Variants in GIPC2 observed in about 807,000 individuals in gnomAD.
GIPC2 encodes PDZ domain-containing protein GIPC2.
In GIPC2, 30 loss-of-function variants were observed where a neutral mutation model predicts 30.6. That is an observed-to-expected ratio of 0.98 (90% CI 0.73 to 1.33). The LOEUF (loss-of-function observed/expected upper bound fraction) is 1.33. Among genes scored for constraint, GIPC2 ranks in the 40% most tolerant of loss-of-function variants. GIPC2 has a pLI of 0.00. For missense variants in GIPC2, 414 were observed against 390.3 expected, an observed-to-expected ratio of 1.06 and a Z score of -0.51; for synonymous variants, 167 against 150.0, an observed-to-expected ratio of 1.11 and a Z score of -0.83.
chr1:78,119,451 G>A lies in GIPC2; in HGVS notation c.666G>A (p.Arg222=). Reference sequence around the variant, plus strand: ...CAGGAGAAAAAATTGGTTGTGGAAGGGCAACACTTCGCCTGAGATCAAAAG... The same window carrying A: ...CAGGAGAAAAAATTGGTTGTGGAAGAGCAACACTTCGCCTGAGATCAAAAG... ...KSSGEKIGCG[R]ATLRLRSKGP... is the part of the protein sequence containing the mutation. Residue 222 remains arginine (R), a synonymous_variant, in exon 4 of 6, where the codon AGG becomes AGA. Transcript: ENST00000370759. 1.2e-6 allele frequency: 2 copies of A among 1,613,350 alleles called. No individual in the cohort carries two copies. Among genetic ancestry groups the A allele is most frequent in the Non-Finnish European group, 1.7e-6 (2 of 1,179,418 alleles).
chr1:78,111,361 C>T (rs1405297543), intron 3 of GIPC2, among the ~76,000 whole-genome samples: 2 of 152,152 alleles, frequency 1.3e-5, no homozygotes, highest in Non-Finnish European at 2.9e-5. Flanking sequence ...GAGCCCATTA[C>T]AAAGTGCCCT....
At chr1:78,048,132 A>C (rs1661129556) in intron 1 of GIPC2, among the ~76,000 whole-genome samples, 1 of 152,154 alleles carries the variant, frequency 6.6e-6, no homozygotes, top group East Asian at 1.9e-4. Context: ...TTTTTGACTT[A>C]TGATATTTTT....
In GIPC2 at chr1:78,133,164, A is replaced by G. The variant is rs1662931786; in HGVS notation, c.797-2428A>G. 2.6e-5 allele frequency among the ~76,000 whole-genome samples: 4 copies of G among 152,248 alleles called. No homozygotes were observed. In the South Asian group the frequency reaches 8.3e-4, roughly 32 times the overall value. ...CACCACCCATTCACTAGCATTTATT[A>G]TGCATGAGACACTGAATTAGTTACT... On this transcript the variant is annotated intron_variant, in intron 5 of 5. Transcript: ENST00000370759.
chr1:78,092,799 T>G (rs1001009460), intron 2 of GIPC2: 10 of 152,362 alleles, frequency 6.6e-5, no homozygotes, highest in Admixed American at 5.2e-4. Flanking sequence ...GCTGTGACTT[T>G]TCTCTTGCTA....
chr1:78,126,011 T>A (rs1662775912), intron 5 of GIPC2, 49 bp downstream of exon 5: 1 of 839,922 alleles, frequency 1.2e-6, no homozygotes, highest in Admixed American at 1.9e-5. Flanking sequence ...ATCTGCTTAA[T>A]GTTTATGTCT....
At chr1:78,078,556 T>G (rs1166061704) in intron 1 of GIPC2, among the ~76,000 whole-genome samples, 1 of 152,180 alleles carries the variant, frequency 6.6e-6, no homozygotes, top group Non-Finnish European at 1.5e-5. Context: ...GGAATGTTAT[T>G]CTGCACGGGA....
intron 4 of GIPC2, among the ~76,000 whole-genome samples, chr1:78,119,904 A>G (rs907352756): frequency 2.0e-5 from 3 of 152,224 alleles, no homozygotes; most frequent in African/African-American, 7.2e-5. Context: ...TTCATGTCCC[A>G]TGTCGCTTCC....
At position 78,137,186 on chromosome 1, in the gene GIPC2, A is replaced by G. The variant is rs577156797; in HGVS notation, c.*1443A>G. The G allele has an allele frequency of 2.6e-5, 4 of 152,170 alleles. No homozygotes were observed. Among genetic ancestry groups the G allele is most frequent in the Non-Finnish European group, 4.4e-5 (3 of 68,002 alleles). The allele number at this position is 152,170 out of a possible 1,614,324, so 9.4% of individuals were successfully genotyped here. ...GTGTAACAAAAGTAGCTTATAGAATATGGACTGCCTTATTGCTGTTGCTTA... is the reference window on the plus strand; with the variant it reads ...GTGTAACAAAAGTAGCTTATAGAATGTGGACTGCCTTATTGCTGTTGCTTA... On this transcript the variant is annotated 3_prime_UTR_variant, in exon 6 of 6. Coordinates refer to ENST00000370759, the MANE Select transcript of GIPC2 (RefSeq NM_017655.6).
intron 1 of GIPC2, among the ~76,000 whole-genome samples, chr1:78,068,157 G>A (rs1044515423): frequency 2.0e-5 from 3 of 151,824 alleles, no homozygotes; most frequent in Non-Finnish European, 4.4e-5. Flanking sequence ...AGTAATACAT[G>A]TAGTTCTTCA....
chr1:78,126,661 T>C (rs1662788758), intron 5 of GIPC2, among the ~76,000 whole-genome samples: 1 of 152,180 alleles, frequency 6.6e-6, no homozygotes. Context: ...CAGGATATGA[T>C]TTCTCTTCTC....
intron 3 of GIPC2, among the ~76,000 whole-genome samples, chr1:78,095,919 G>C (rs1172820957): frequency 6.6e-6 from 1 of 152,122 alleles, no homozygotes; most frequent in African/African-American, 2.4e-5. Flanking sequence ...CATTTAGTTT[G>C]TCTCTAATGC....
At chr1:78,069,248 T>C (rs1036002505) in intron 1 of GIPC2, 2 of 235,452 alleles carry the variant, frequency 8.5e-6, no homozygotes, top group African/African-American at 4.7e-5. Context: ...GGGCAGGAGA[T>C]GGTTCAAAAT....
intron 2 of GIPC2, chr1:78,091,377 T>G (rs1662034523): frequency 9.9e-6 from 5 of 505,438 alleles, no homozygotes; most frequent in Non-Finnish European, 1.8e-5. Flanking sequence ...TAGCTCAGAG[T>G]CTGGTGCTTA....
At chr1:78,064,621 C>T (rs139415783) in intron 1 of GIPC2, among the ~76,000 whole-genome samples, 241 of 152,096 alleles carry the variant, frequency 1.6e-3, no homozygotes, top group African/African-American at 5.6e-3. Flanking sequence ...AGGAGAAAGA[C>T]GTCCTGTTGG....
At chr1:78,078,503 A>G (rs1381079166) in intron 1 of GIPC2, among the ~76,000 whole-genome samples, 1 of 152,162 alleles carries the variant, frequency 6.6e-6, no homozygotes. Context: ...TTACAGAAAA[A>G]AGAAACTAAT....
At chr1:78,109,650 G>T (rs956897650) in intron 3 of GIPC2, among the ~76,000 whole-genome samples, 1 of 152,016 alleles carries the variant, frequency 6.6e-6, no homozygotes, top group Non-Finnish European at 1.5e-5. Flanking sequence ...TATAGTCAAT[G>T]CTTGGTTAAT....
rs775053230 is a variant in GIPC2 at position 78,046,309 on chromosome 1, G to A, written c.215G>A (p.Gly72Asp). Residue 72 changes from glycine (G) to aspartate (D), a missense_variant, in exon 1 of 6, where the codon GGC becomes GAC. Gly to Asp is a moderately conservative substitution (Grantham distance 94). Transcript: ENST00000370759. Reference protein sequence around the residue: ...SIQELYAQIAGAFEISPSEIL... With the variant: ...SIQELYAQIADAFEISPSEIL... ...CAGGAGCTCTACGCCCAGATCGCGG[G>A]CGCGTTTGAAATCTCGCCGTCGGAG... The A allele has an allele frequency of 1.9e-6, 3 of 1,611,482 alleles. No individual in the cohort carries two copies. Among genetic ancestry groups the A allele is most frequent in the South Asian group, 1.1e-5 (1 of 90,912 alleles).
intron 3 of GIPC2, among the ~76,000 whole-genome samples, chr1:78,104,760 T>G (rs1055369419): frequency 2.0e-5 from 3 of 152,140 alleles, no homozygotes; most frequent in Non-Finnish European, 4.4e-5. Context: ...ATGATGCAGT[T>G]GGGATGTAGA....
At chr1:78,056,950 T>C (rs1298590101) in intron 1 of GIPC2, among the ~76,000 whole-genome samples, 2 of 152,238 alleles carry the variant, frequency 1.3e-5, no homozygotes, top group African/African-American at 2.4e-5. Flanking sequence ...CCAGATCTTT[T>C]ACCCTGTGTG....
Sources: allele counts gnomAD v4.1 joint callset (sites outside exome capture counted in the v4.1 genomes callset), GRCh38; gene constraint gnomAD v4.1.1; transcripts MANE v1.5; gene names NCBI Gene and HGNC (gene_info 2026-07-23, HGNC 2026-07-21).